The following KCTD16 variants were observed in gnomAD, a reference collection of about 807,000 sequenced individuals.
KCTD16 encodes the protein potassium channel tetramerization domain containing 16.
Under a neutral mutation model 33.2 loss-of-function variants are expected in KCTD16, and 13 were observed. The observed-to-expected ratio is 0.39, with a 90% CI of 0.25 to 0.62. The LOEUF (loss-of-function observed/expected upper bound fraction) is 0.62. Among genes scored for constraint, KCTD16 ranks in the 20% least tolerant of loss-of-function variants. The pLI is 0.50. For synonymous variants in KCTD16, 197 were observed against 195.3 expected, an observed-to-expected ratio of 1.01 and a Z score of -0.07; for missense variants, 441 against 525.1, an observed-to-expected ratio of 0.84 and a Z score of 1.57.
chr5:144,178,367 G>A (rs1215417054), intron 2 of KCTD16, among the ~76,000 whole-genome samples: 1 of 152,072 alleles, frequency 6.6e-6, no homozygotes, highest in African/African-American at 2.4e-5. Context: ...AATGTACTTA[G>A]ATATGATTTT....
chr5:144,297,432 CG>C (rs2126866739), intron 3 of KCTD16, among the ~76,000 whole-genome samples: 1 of 152,240 alleles, frequency 6.6e-6, no homozygotes, highest in East Asian at 1.9e-4. Context: ...TCTACAAGGC[CG>C]GATATCTCTC....
At chr5:144,276,044 A>G (rs946293358) in intron 3 of KCTD16, among the ~76,000 whole-genome samples, 23 of 152,308 alleles carry the variant, frequency 1.5e-4, no homozygotes, top group African/African-American at 5.5e-4. Context: ...TCTTCATTGG[A>G]ACTTTTGTTT....
chr5:144,385,037 ATT>A (rs1249244458), intron 3 of KCTD16, among the ~76,000 whole-genome samples: 1 of 152,196 alleles, frequency 6.6e-6, no homozygotes, highest in Non-Finnish European at 1.5e-5. Context: ...TATGGCCTGT[ATT>A]TTGGCTAAAG....
chr5:144,223,224 A>T (rs1753819116), intron 3 of KCTD16, among the ~76,000 whole-genome samples: 1 of 152,318 alleles, frequency 6.6e-6, no homozygotes, highest in East Asian at 1.9e-4. Context: ...GCACACCAAC[A>T]TGGCACATGT....
intron 3 of KCTD16, among the ~76,000 whole-genome samples, chr5:144,356,657 T>C (rs545851462): frequency 6.6e-6 from 1 of 152,174 alleles, no homozygotes; most frequent in Non-Finnish European, 1.5e-5. Flanking sequence ...GCTTAATCCT[T>C]GTCAAACCAC....
intron 3 of KCTD16, among the ~76,000 whole-genome samples, chr5:144,263,004 A>G (rs1052005571): frequency 3.3e-5 from 5 of 152,310 alleles, no homozygotes; most frequent in African/African-American, 1.2e-4. Context: ...GTGACTATAT[A>G]TAATGGATTT....
chr5:144,283,831 T>C (rs1156745478), intron 3 of KCTD16, among the ~76,000 whole-genome samples: 1 of 152,172 alleles, frequency 6.6e-6, no homozygotes, highest in African/African-American at 2.4e-5. Context: ...CTGGAGGATA[T>C]AAATCAATAG....
At chr5:144,253,630 A>AT (rs1754762964) in intron 3 of KCTD16, among the ~76,000 whole-genome samples, 2 of 152,192 alleles carry the variant, frequency 1.3e-5, no homozygotes, top group Non-Finnish European at 2.9e-5. Flanking sequence ...TAACGGAATC[A>AT]TTTAAAGAAA....
At chr5:144,194,779 G>A (rs1215289070) in intron 2 of KCTD16, among the ~76,000 whole-genome samples, 1 of 152,112 alleles carries the variant, frequency 6.6e-6, no homozygotes, top group East Asian at 1.9e-4. Flanking sequence ...TCGACCCCAG[G>A]ACTCTCTGAT....
chr5:144,399,292 A>G (rs1422000029), intron 3 of KCTD16, among the ~76,000 whole-genome samples: 3 of 152,172 alleles, frequency 2.0e-5, no homozygotes, highest in Non-Finnish European at 2.9e-5. Flanking sequence ...TTCCCTGAGT[A>G]TAAGCAGCCT....
chr5:144,332,435 T>C (rs1752383545), intron 3 of KCTD16, among the ~76,000 whole-genome samples: 1 of 152,126 alleles, frequency 6.6e-6, no homozygotes, highest in Non-Finnish European at 1.5e-5. Context: ...ATCACCCACC[T>C]TGTGCAGCCA....
chr5:144,426,199 G>A (rs1190999493), intron 3 of KCTD16, among the ~76,000 whole-genome samples: 1 of 152,064 alleles, frequency 6.6e-6, no homozygotes, highest in Non-Finnish European at 1.5e-5. Flanking sequence ...CAAGCCCTAG[G>A]GCATTGGCAC....
chr5:144,442,429 CTT>C (rs938359656), intron 3 of KCTD16, among the ~76,000 whole-genome samples: 62 of 138,390 alleles, frequency 4.5e-4, no homozygotes, highest in African/African-American at 1.5e-3. Flanking sequence ...CATTCTTTTT[CTT>C]TTCTTTTCTC....
intron 3 of KCTD16, among the ~76,000 whole-genome samples, chr5:144,345,951 TC>T (rs1752788614): frequency 7.3e-6 from 1 of 137,504 alleles, no homozygotes; most frequent in Non-Finnish European, 1.6e-5. Flanking sequence ...TCTTATTCAT[TC>T]TATTTTTTTT....
In KCTD16 at chr5:144,172,458, A is replaced by C. The variant is rs1345229472; in HGVS notation, c.-493+1449A>C. Among the ~76,000 whole-genome samples the C allele has an allele frequency of 2.6e-5, 4 of 152,240 alleles. No individual in the cohort carries two copies. In the East Asian group the frequency reaches 7.7e-4, roughly 29 times the overall value. On this transcript the variant is annotated intron_variant, in intron 1 of 3. Coordinates refer to ENST00000512467, the MANE Select transcript of KCTD16 (RefSeq NM_020768.4). ...TCCTAGTTATTTTGAACTATACAAT[A>C]AATTATTGTTAACTATAGCTACCCT...
intron 3 of KCTD16, among the ~76,000 whole-genome samples, chr5:144,407,458 G>A (rs192136423): frequency 5.4e-4 from 82 of 151,882 alleles, no homozygotes; most frequent in African/African-American, 1.8e-3. Context: ...TGGGGGTTTA[G>A]CGTACATATT....
At position 144,299,134 on chromosome 5, in the gene KCTD16, ATATATATATATATAT is replaced by A. The variant is rs1293632420; in HGVS notation, c.832+91590_832+91604del. 3.2e-3 allele frequency among the ~76,000 whole-genome samples: 94 copies of A among 29,754 alleles called. 1 individual carries two copies. Among genetic ancestry groups the A allele is most frequent in the African/African-American group, 5.6e-3 (15 of 2,688 alleles). 19.5% of individuals were successfully genotyped at this position (29,754 alleles called of 152,430 possible). On this transcript the variant is annotated intron_variant, in intron 3 of 3. Transcript: ENST00000512467. ...TATATATATATATATATATATATAT[ATATATATATATATAT>A]TTTTTTTTTTTTTTTTAACCTGTCA... is the stretch of plus-strand genomic sequence containing the variant.
chr5:144,262,401 A>G (rs1443447286), intron 3 of KCTD16, among the ~76,000 whole-genome samples: 1 of 152,236 alleles, frequency 6.6e-6, no homozygotes, highest in Non-Finnish European at 1.5e-5. Context: ...TAAAACAATA[A>G]TCAACCTGTG....
At chr5:144,186,380 A>G (rs1179939811) in intron 2 of KCTD16, among the ~76,000 whole-genome samples, 5 of 147,262 alleles carry the variant, frequency 3.4e-5, no homozygotes, top group African/African-American at 1.2e-4. Context: ...AAAAAAAACT[A>G]ATGGCTTATT....
Sources: gnomAD v4.1 joint callset for allele counts (sites outside exome capture counted in the v4.1 genomes callset) on GRCh38, gnomAD v4.1.1 for gene constraint, MANE v1.5 for transcripts, NCBI Gene and HGNC (gene_info 2026-07-23, HGNC 2026-07-21) for gene names.